Variants in KLHL29 observed in about 807,000 individuals in gnomAD.
KLHL29 encodes the protein kelch like family member 29, also known as kelch-like protein 29.
KLHL29 carries 21 observed loss-of-function variants against 80.4 expected under a neutral mutation model. The observed-to-expected ratio is 0.26, with a 90% CI of 0.19 to 0.38. The LOEUF (loss-of-function observed/expected upper bound fraction) is 0.38, where lower values mean the gene tolerates loss of function less well. Among genes scored for constraint, KLHL29 ranks in the 10% least tolerant of loss-of-function variants. KLHL29 has a pLI of 1.00. For missense variants in KLHL29, 867 were observed against 1,223.9 expected, an observed-to-expected ratio of 0.71 and a Z score of 4.35; for synonymous variants, 511 against 526.8, an observed-to-expected ratio of 0.97 and a Z score of 0.41.
At chr2:23,622,436 C>T (rs1669206096) in intron 3 of KLHL29, among the ~76,000 whole-genome samples, 2 of 152,222 alleles carry the variant, frequency 1.3e-5, no homozygotes, top group African/African-American at 4.8e-5. Flanking sequence ...CCTGACTCCA[C>T]CGATCTGATC....
intron 3 of KLHL29, among the ~76,000 whole-genome samples, chr2:23,584,275 C>A (rs1668062190): frequency 6.6e-6 from 1 of 152,212 alleles, no homozygotes; most frequent in South Asian, 2.1e-4. Context: ...AGAGCCCATA[C>A]CGGGGCAGGC....
intron 5 of KLHL29, among the ~76,000 whole-genome samples, chr2:23,677,502 C>A (rs1348965367): frequency 6.6e-6 from 1 of 152,224 alleles, no homozygotes; most frequent in Non-Finnish European, 1.5e-5. Context: ...ACGTCCGACT[C>A]AGGCTGGACG....
intron 3 of KLHL29, among the ~76,000 whole-genome samples, chr2:23,590,591 G>A (rs1668233926): frequency 1.3e-5 from 2 of 152,108 alleles, no homozygotes; most frequent in Non-Finnish European, 2.9e-5. Flanking sequence ...CCTGTGCGAG[G>A]TCCTGAGCAT....
At chr2:23,403,693 A>G (rs1263161367) in intron 1 of KLHL29, among the ~76,000 whole-genome samples, 1 of 151,034 alleles carries the variant, frequency 6.6e-6, no homozygotes, top group Non-Finnish European at 1.5e-5. Context: ...GAGAAAAGAA[A>G]GGGGAAGATG....
intron 11 of KLHL29, chr2:23,697,543 C>T (rs896640086): frequency 6.6e-6 from 1 of 152,316 alleles, no homozygotes; most frequent in African/African-American, 2.4e-5. Context: ...TATGAAGCCA[C>T]ACATACCCCT....
chr2:23,641,099 A>G (rs962732925), intron 4 of KLHL29, among the ~76,000 whole-genome samples: 3 of 151,976 alleles, frequency 2.0e-5, no homozygotes, highest in African/African-American at 4.8e-5. Flanking sequence ...CATTTGGGCC[A>G]TGGAGACCTG....
In KLHL29 at chr2:23,552,761, C is replaced by CTTTTT. The variant is rs60558023; in HGVS notation, c.-45-9378_-45-9374dup. ...CACGGCTATAGCTCTGGTTTCTTTTCTTTTTTTTTTTTTTTTTGAGATGGC... is the reference window on the plus strand; with the variant it reads ...CACGGCTATAGCTCTGGTTTCTTTTCTTTTTTTTTTTTTTTTTTTTTTGAGATGGC... On this transcript the variant is annotated intron_variant, in intron 2 of 13. Transcript: ENST00000486442. Among the ~76,000 whole-genome samples, 30 of 95,574 alleles carry CTTTTT rather than the reference C, an allele frequency of 3.1e-4. 2 individuals are homozygous for CTTTTT. The highest frequency in any genetic ancestry group is 1.1e-3 in the African/African-American group (23 of 21,202). The allele number at this position is 95,574 out of a possible 152,430, so 62.7% of individuals were successfully genotyped here.
Position 23,505,129 on chromosome 2 carries a change from C to T in KLHL29, c.-46+29462C>T, listed in dbSNP as rs57138747. On this transcript the variant is annotated intron_variant, in intron 2 of 13. Transcript: ENST00000486442. ...TTTTATACACTATATTTGACAGTGT[C>T]TCTCCCTTCGAGGTTAAGTGTCGTT... is the stretch of plus-strand genomic sequence containing the variant. Among the ~76,000 whole-genome samples, 244 of 152,338 alleles carry T rather than the reference C, an allele frequency of 1.6e-3. 2 individuals carry two copies. The highest frequency in any genetic ancestry group is 5.7e-3 in the African/African-American group (238 of 41,584).
At position 23,700,678 on chromosome 2, in the gene KLHL29, C is replaced by T. The variant is rs571443099; in HGVS notation, c.2106-2508C>T. Among the ~76,000 whole-genome samples the T allele has an allele frequency of 7.7e-4, 118 of 152,354 alleles. 1 individual carries two copies. The highest frequency in any genetic ancestry group is 2.8e-3 in the African/African-American group (117 of 41,580). On this transcript the variant is annotated intron_variant, in intron 11 of 13. Transcript: ENST00000486442. This position sits in a 1 kb window ranked among gnomAD's most constrained non-coding sequence, Gnocchi z 4.6. ...CTTTTCTAGGTCCTACCTTCTGTGCCTCTTCACAGCTAAATTTCTTCCAAA... is the reference window on the plus strand; with the variant it reads ...CTTTTCTAGGTCCTACCTTCTGTGCTTCTTCACAGCTAAATTTCTTCCAAA...
At chr2:23,577,703 A>C (rs1270711933) in intron 3 of KLHL29, among the ~76,000 whole-genome samples, 1 of 151,090 alleles carries the variant, frequency 6.6e-6, no homozygotes, top group South Asian at 2.1e-4. Flanking sequence ...AGCCAGGATC[A>C]TGCCACTGCA....
At chr2:23,605,627 G>A (rs180946323) in intron 3 of KLHL29, among the ~76,000 whole-genome samples, 16 of 152,226 alleles carry the variant, frequency 1.1e-4, no homozygotes, top group Admixed American at 2.0e-4. Context: ...TGATTAGACT[G>A]CCCATGAAAA....
intron 1 of KLHL29, among the ~76,000 whole-genome samples, chr2:23,399,312 A>C (rs1468377529): frequency 6.6e-6 from 1 of 152,266 alleles, no homozygotes; most frequent in African/African-American, 2.4e-5. Flanking sequence ...TGAAATAAAA[A>C]CTAAATAGCA....
chr2:23,394,813 C>T (rs1451560928), intron 1 of KLHL29, among the ~76,000 whole-genome samples: 1 of 152,192 alleles, frequency 6.6e-6, no homozygotes, highest in African/African-American at 2.4e-5. Context: ...GCAAATGGAA[C>T]AAAAATTCAA....
chr2:23,639,264 A>T lies in KLHL29; in HGVS notation c.411A>T (p.Arg137Ser). ...ATGAGCCACCCTCCAAACAGATGAG[A>T]GAGAGTGACAATCCAGGTACGTACC... ...DTDEPPSKQM[R>S]ESDNPGTGPW... is the part of the protein sequence containing the mutation. The change falls in exon 4 of 14, where the codon AGA (arginine) becomes AGT (serine). Residue 137 changes from arginine (R) to serine (S), a missense_variant. This residue lies in a region of KLHL29 where 424 missense variants were observed against 456.9 expected (regional missense o/e 0.93). Transcript: ENST00000486442. The T allele has an allele frequency of 6.5e-7, 1 of 1,547,776 alleles. No individual in the cohort carries two copies. Among genetic ancestry groups the T allele is most frequent in the Non-Finnish European group, 8.7e-7 (1 of 1,145,334 alleles).
chr2:23,549,167 AG>A (rs760999898), intron 2 of KLHL29, among the ~76,000 whole-genome samples: 1 of 152,224 alleles, frequency 6.6e-6, no homozygotes, highest in Non-Finnish European at 1.5e-5. Flanking sequence ...TCAGGAGGGG[AG>A]GACCCCAGCG....
chr2:23,616,562 C>G lies in KLHL29; in HGVS notation c.286-22577C>G, dbSNP rs567493459. 5 of 152,296 alleles carry G rather than the reference C, an allele frequency of 3.3e-5. No homozygotes were observed. The South Asian group carries it at 1.0e-3, about 32-fold the overall frequency. The allele number at this position is 152,296 out of a possible 1,614,324, so 9.4% of individuals were successfully genotyped here. A position where few individuals can be genotyped will look rare whatever the true frequency, so the allele number is the denominator to read the frequency against. Reference sequence around the variant, plus strand: ...CCGTTTCAATCAAGCAAACAATTCACAAAGACATTTTCTAGAATAGTGAGA... The same window carrying G: ...CCGTTTCAATCAAGCAAACAATTCAGAAAGACATTTTCTAGAATAGTGAGA... On this transcript the variant is annotated intron_variant, in intron 3 of 13. Transcript: ENST00000486442.
chr2:23,638,215 C>T (rs540847424), intron 3 of KLHL29, among the ~76,000 whole-genome samples: 11 of 152,048 alleles, frequency 7.2e-5, no homozygotes, highest in Non-Finnish European at 1.6e-4. Context: ...TTGTTTGACA[C>T]AGGGATGTTT....
intron 1 of KLHL29, among the ~76,000 whole-genome samples, chr2:23,470,580 A>C (rs1302966176): frequency 6.6e-6 from 1 of 152,232 alleles, no homozygotes; most frequent in African/African-American, 2.4e-5. Flanking sequence ...TGTAAACTTC[A>C]AGCCTTATGA....
intron 5 of KLHL29, among the ~76,000 whole-genome samples, chr2:23,661,460 C>T (rs1670405353): frequency 6.6e-6 from 1 of 152,208 alleles, no homozygotes; most frequent in Non-Finnish European, 1.5e-5. Context: ...CGCATCTGCA[C>T]ACCTGGCATA....
Sources: gnomAD v4.1 joint callset for allele counts (sites outside exome capture counted in the v4.1 genomes callset) on GRCh38, gnomAD v4.1.1 for gene constraint, gnomAD v4.1.1 regional missense constraint, Gnocchi (gnomAD v3.1) non-coding constraint, MANE v1.5 for transcripts, NCBI Gene and HGNC (gene_info 2026-07-23, HGNC 2026-07-21) for gene names.